The following LRRTM3 variants were observed in gnomAD, a reference collection of about 807,000 sequenced individuals.
LRRTM3 encodes leucine rich repeat transmembrane neuronal 3.
Under a neutral mutation model 44.7 loss-of-function variants are expected in LRRTM3, and 24 were observed. That is an observed-to-expected ratio of 0.54 (90% CI 0.39 to 0.76). The LOEUF is 0.76. Ranked by LOEUF, LRRTM3 falls within the 30% of genes least tolerant of loss-of-function variation. The pLI is 0.00. For missense variants in LRRTM3, 587 were observed against 702.2 expected, an observed-to-expected ratio of 0.84 and a Z score of 1.85; for synonymous variants, 277 against 278.7, an observed-to-expected ratio of 0.99 and a Z score of 0.06.
chr10:66,953,160 C>T (rs1345871548), intron 2 of LRRTM3, among the ~76,000 whole-genome samples: 2 of 152,150 alleles, frequency 1.3e-5, no homozygotes, highest in East Asian at 3.9e-4. Context: ...AGTTGAGCCT[C>T]GCTGATGGGC....
intron 2 of LRRTM3, among the ~76,000 whole-genome samples, chr10:67,010,811 C>T (rs117006411): frequency 0.024 from 3,684 of 152,250 alleles, 68 homozygotes; most frequent in Non-Finnish European, 0.031. Flanking sequence ...TATTTGTATG[C>T]CCAGTTCTCA....
intron 2 of LRRTM3, among the ~76,000 whole-genome samples, chr10:66,967,823 T>C (rs4746650): frequency 0.98 from 148,914 of 152,088 alleles, 72,994 homozygotes; most frequent in East Asian, 1. Context: ...AAAGAATATA[T>C]CCCCTCGAAA....
intron 2 of LRRTM3, among the ~76,000 whole-genome samples, chr10:67,085,628 TA>T (rs1444973563): frequency 6.6e-6 from 1 of 152,058 alleles, no homozygotes; most frequent in Non-Finnish European, 1.5e-5. Context: ...TTGTGTCATA[TA>T]AAAATTTGAA....
At chr10:66,952,144 G>A (rs11812594) in intron 2 of LRRTM3, among the ~76,000 whole-genome samples, 3,585 of 152,232 alleles carry the variant, frequency 0.024, 135 homozygotes, top group African/African-American at 0.081. Flanking sequence ...CAGAAATCAC[G>A]TCAACCACCA....
intron 2 of LRRTM3, among the ~76,000 whole-genome samples, chr10:66,929,565 T>C (rs1053722049): frequency 2.0e-5 from 3 of 152,176 alleles, no homozygotes; most frequent in South Asian, 2.1e-4. Context: ...CACAGCCTCA[T>C]TGAAAAGGAC....
chr10:67,079,597 C>G (rs1856931787), intron 2 of LRRTM3, among the ~76,000 whole-genome samples: 1 of 152,068 alleles, frequency 6.6e-6, no homozygotes, highest in Admixed American at 6.6e-5. Context: ...TGCCTGTAAT[C>G]CCAGCATGTT....
chr10:66,994,993 CT>C (rs1265223112), intron 2 of LRRTM3, among the ~76,000 whole-genome samples: 3 of 152,142 alleles, frequency 2.0e-5, no homozygotes, highest in African/African-American at 7.2e-5. Context: ...TACTTCTGTC[CT>C]GGTATTTCCC....
At chr10:67,012,377 T>C (rs1205521732) in intron 2 of LRRTM3, 1 of 152,174 alleles carries the variant, frequency 6.6e-6, no homozygotes, top group Non-Finnish European at 1.5e-5. Flanking sequence ...TAGTATCTTC[T>C]CCCCTTTTCC....
chr10:66,969,387 G>A (rs563060540), intron 2 of LRRTM3, among the ~76,000 whole-genome samples: 7 of 152,132 alleles, frequency 4.6e-5, no homozygotes, highest in African/African-American at 1.7e-4. Context: ...TAAAATGAAT[G>A]TGCAATAATT....
intron 2 of LRRTM3, among the ~76,000 whole-genome samples, chr10:66,970,964 G>T (rs1298387881): frequency 6.6e-6 from 1 of 152,056 alleles, no homozygotes; most frequent in Non-Finnish European, 1.5e-5. Flanking sequence ...ATTGTGCCAG[G>T]ATTTCAGTTG....
intron 2 of LRRTM3, among the ~76,000 whole-genome samples, chr10:67,096,283 A>G (rs1293668895): frequency 1.3e-5 from 2 of 151,894 alleles, no homozygotes; most frequent in South Asian, 2.1e-4. Flanking sequence ...GTAGAAATAC[A>G]TGTAAGTAGA....
intron 2 of LRRTM3, among the ~76,000 whole-genome samples, chr10:67,057,112 T>C (rs1855482090): frequency 6.6e-6 from 1 of 152,206 alleles, no homozygotes; most frequent in South Asian, 2.1e-4. Flanking sequence ...AAACATTGTC[T>C]TTCAATTTTG....
intron 2 of LRRTM3, among the ~76,000 whole-genome samples, chr10:66,965,126 C>T (rs903093787): frequency 6.6e-6 from 1 of 152,132 alleles, no homozygotes; most frequent in African/African-American, 2.4e-5. Context: ...TGTTCTTTGT[C>T]CCATGCCAAA....
intron 2 of LRRTM3, among the ~76,000 whole-genome samples, chr10:66,993,564 A>C (rs1165945042): frequency 6.6e-6 from 1 of 152,048 alleles, no homozygotes; most frequent in African/African-American, 2.4e-5. Context: ...TGAATCTATA[A>C]ATTTTAGAAT....
At position 67,004,904 on chromosome 10, in the gene LRRTM3, G is replaced by A. The variant is rs148380498; in HGVS notation, c.1536+76452G>A. On this transcript the variant is annotated intron_variant, in intron 2 of 2. Coordinates refer to ENST00000361320, the MANE Select transcript of LRRTM3 (RefSeq NM_178011.5). ...AAAAGGGAAATAACTCTAGTAGAAC[G>A]CAGTATTTTAAGAACAGATTTTGTT... Among the ~76,000 whole-genome samples, 253 of 152,192 alleles carry A rather than the reference G, an allele frequency of 1.7e-3. 5 individuals are homozygous for A. Among genetic ancestry groups the A allele is most frequent in the African/African-American group, 5.8e-3 (241 of 41,520 alleles).
chr10:67,018,746 T>A (rs1356759139), intron 2 of LRRTM3, among the ~76,000 whole-genome samples: 1 of 152,230 alleles, frequency 6.6e-6, no homozygotes, highest in East Asian at 1.9e-4. Context: ...AAGGTTTTGT[T>A]GTGAAGATTA....
chr10:67,095,441 G>A (rs1213515099), intron 2 of LRRTM3, among the ~76,000 whole-genome samples: 1 of 151,728 alleles, frequency 6.6e-6, no homozygotes, highest in Admixed American at 6.6e-5. Flanking sequence ...AAAATAATAT[G>A]TGGGATTTTT....
At chr10:67,020,306 C>T (rs1293965271) in intron 2 of LRRTM3, among the ~76,000 whole-genome samples, 1 of 152,086 alleles carries the variant, frequency 6.6e-6, no homozygotes, top group African/African-American at 2.4e-5. Flanking sequence ...AATATACAGC[C>T]TCATGTTAAA....
chr10:66,969,557 T>C (rs1170984910), intron 2 of LRRTM3, among the ~76,000 whole-genome samples: 2 of 152,122 alleles, frequency 1.3e-5, no homozygotes, highest in African/African-American at 2.4e-5. Flanking sequence ...AAGGACAGAT[T>C]TAGCATTTTT....
Sources: gnomAD v4.1 joint callset for allele counts (sites outside exome capture counted in the v4.1 genomes callset) on GRCh38, gnomAD v4.1.1 for gene constraint, MANE v1.5 for transcripts, NCBI Gene and HGNC (gene_info 2026-07-23, HGNC 2026-07-21) for gene names.